Variants in PRKD1 observed in about 807,000 individuals in gnomAD.
PRKD1 encodes serine/threonine-protein kinase D1.
In PRKD1, 63 loss-of-function variants were observed where a neutral mutation model predicts 95.9. The observed-to-expected ratio is 0.66, with a 90% CI of 0.54 to 0.81. PRKD1 has a LOEUF of 0.81. Ranked by LOEUF, PRKD1 falls within the 30% of genes least tolerant of loss-of-function variation. PRKD1 has a pLI of 0.00. For missense variants in PRKD1, 1,048 were observed against 1,165.3 expected (o/e 0.90, Z 1.47); for synonymous variants, 425 against 423.1 (o/e 1.00, Z -0.05).
At position 29,611,403 on chromosome 14, in the gene PRKD1, T is replaced by C. The variant is rs1878447608; in HGVS notation, c.1906-11586A>G. On this transcript the variant is annotated intron_variant, in intron 13 of 17. Coordinates refer to ENST00000331968, the MANE Select transcript of PRKD1 (RefSeq NM_002742.3). ...GCTCTAAGCCCATCATCTGGGCTCA[T>C]ACACTGGGGAATCATTGGCATTAAT... 3.3e-5 allele frequency among the ~76,000 whole-genome samples: 5 copies of C among 152,096 alleles called. No homozygotes were observed. The South Asian group carries it at 1.0e-3, about 31-fold the overall frequency.
chr14:29,814,610 T>G (rs1339252962), intron 1 of PRKD1, among the ~76,000 whole-genome samples: 2 of 152,182 alleles, frequency 1.3e-5, no homozygotes, highest in African/African-American at 2.4e-5. Flanking sequence ...CTGACTTTGA[T>G]GCACTTTTTC....
At chr14:29,614,762 G>A (rs754824222) in intron 13 of PRKD1, among the ~76,000 whole-genome samples, 3 of 151,062 alleles carry the variant, frequency 2.0e-5, no homozygotes, top group Non-Finnish European at 2.9e-5. Flanking sequence ...CAACTGGCAC[G>A]ATCTCGGCTC....
At chr14:29,609,839 A>T (rs1268499466) in intron 13 of PRKD1, among the ~76,000 whole-genome samples, 1 of 151,470 alleles carries the variant, frequency 6.6e-6, no homozygotes, top group Non-Finnish European at 1.5e-5. Flanking sequence ...AATTACAGGC[A>T]TAAGCCACCA....
At chr14:29,717,037 A>G (rs1885645721) in intron 2 of PRKD1, among the ~76,000 whole-genome samples, 2 of 152,208 alleles carry the variant, frequency 1.3e-5, no homozygotes, top group South Asian at 4.1e-4. Flanking sequence ...AATTTTACTA[A>G]TAGATTATGT....
Position 29,577,232 on chromosome 14 carries a change from T to C in PRKD1, c.*6A>G, listed in dbSNP as rs745677276. 4.4e-6 allele frequency: 7 copies of C among 1,607,158 alleles called. No homozygotes were observed. Among genetic ancestry groups the C allele is most frequent in the African/African-American group, 2.7e-5 (2 of 74,736 alleles). On this transcript the variant is annotated 3_prime_UTR_variant, in exon 18 of 18. Coordinates refer to ENST00000331968, the MANE Select transcript of PRKD1 (RefSeq NM_002742.3). ...CAGTGTTTTGACAGATTATAGGAGA[T>C]GGAACTCAGAGGATGCTGACACGCT...
intron 13 of PRKD1, among the ~76,000 whole-genome samples, chr14:29,606,776 T>C (rs1049424400): frequency 3.6e-4 from 55 of 152,210 alleles, no homozygotes; most frequent in South Asian, 6.2e-4. Context: ...TAATGACCAC[T>C]GTACCTCTTT....
At chr14:29,584,986 T>C (rs1466472543) in intron 16 of PRKD1, among the ~76,000 whole-genome samples, 2 of 152,166 alleles carry the variant, frequency 1.3e-5, no homozygotes, top group Non-Finnish European at 2.9e-5. Flanking sequence ...AGAAACCAGA[T>C]AGAACAATCA....
chr14:29,587,795 A>G (rs1594341012), intron 16 of PRKD1, among the ~76,000 whole-genome samples: 1 of 152,178 alleles, frequency 6.6e-6, no homozygotes, highest in East Asian at 1.9e-4. Context: ...CATAATTGGA[A>G]AGTTCCTTCT....
chr14:29,607,116 C>G (rs929538594), intron 13 of PRKD1, among the ~76,000 whole-genome samples: 2 of 152,158 alleles, frequency 1.3e-5, no homozygotes, highest in Admixed American at 6.5e-5. Context: ...ATTATTACTA[C>G]TGGGTAAATT....
At chr14:29,702,908 T>C (rs2139331690) in intron 2 of PRKD1, among the ~76,000 whole-genome samples, 1 of 152,370 alleles carries the variant, frequency 6.6e-6, no homozygotes. Context: ...TTTGTTCTTT[T>C]TAACCTGAAG....
intron 1 of PRKD1, among the ~76,000 whole-genome samples, chr14:29,865,462 C>T (rs1892861578): frequency 6.6e-6 from 1 of 152,124 alleles, no homozygotes. Context: ...GAGGGCTCTG[C>T]CCTCATGAAT....
intron 13 of PRKD1, among the ~76,000 whole-genome samples, chr14:29,602,012 A>C (rs4981710): frequency 0.23 from 34,697 of 152,164 alleles, 4,012 homozygotes; most frequent in South Asian, 0.26. Flanking sequence ...TTCCTCTTTG[A>C]GCATCTTCAT....
intron 1 of PRKD1, among the ~76,000 whole-genome samples, chr14:29,763,441 G>GA (rs1888112327): frequency 1.1e-5 from 1 of 90,470 alleles, no homozygotes; most frequent in African/African-American, 4.2e-5. Context: ...GGGAGGGAGG[G>GA]GGGAGGGGAG....
intron 1 of PRKD1, among the ~76,000 whole-genome samples, chr14:29,776,733 C>T (rs1280315801): frequency 6.6e-6 from 1 of 152,084 alleles, no homozygotes; most frequent in African/African-American, 2.4e-5. Flanking sequence ...GGATATTATC[C>T]AGGAGAACTT....
chr14:29,838,949 T>C (rs532904732), intron 1 of PRKD1, among the ~76,000 whole-genome samples: 1 of 152,248 alleles, frequency 6.6e-6, no homozygotes, highest in South Asian at 2.1e-4. Context: ...GGAAGAATGA[T>C]GCAATCACTG....
At chr14:29,683,829 T>C (rs767220622) in intron 2 of PRKD1, among the ~76,000 whole-genome samples, 1 of 152,160 alleles carries the variant, frequency 6.6e-6, no homozygotes, top group Non-Finnish European at 1.5e-5. Context: ...CACAGCCAGG[T>C]TGATTTTTGT....
chr14:29,685,470 G>C (rs910185917), intron 2 of PRKD1, among the ~76,000 whole-genome samples: 3 of 152,174 alleles, frequency 2.0e-5, no homozygotes, highest in Non-Finnish European at 2.9e-5. Flanking sequence ...CACTGCAAGG[G>C]AAGCTGATCT....
At chr14:29,621,091 C>A (rs529862022) in intron 13 of PRKD1, among the ~76,000 whole-genome samples, 8 of 143,452 alleles carry the variant, frequency 5.6e-5, no homozygotes, top group Admixed American at 7.1e-5. Flanking sequence ...ATCGCAAGGA[C>A]AAAAAAAAAC....
At chr14:29,584,427 C>A (rs1892846840) in intron 16 of PRKD1, among the ~76,000 whole-genome samples, 1 of 152,146 alleles carries the variant, frequency 6.6e-6, no homozygotes, top group Non-Finnish European at 1.5e-5. Flanking sequence ...ACCTTTCAAT[C>A]ATGTTCCATT....
Sources: allele counts gnomAD v4.1 joint callset (sites outside exome capture counted in the v4.1 genomes callset), GRCh38; gene constraint gnomAD v4.1.1; transcripts MANE v1.5; gene names NCBI Gene and HGNC (gene_info 2026-07-23, HGNC 2026-07-21).